HK3: variants seen among roughly 807,000 people sequenced by gnomAD.
HK3 encodes the protein hexokinase 3.
In HK3, 93 loss-of-function variants were observed where a neutral mutation model predicts 91.0. The observed-to-expected ratio is 1.02, with a 90% CI of 0.86 to 1.21. The LOEUF is 1.21. Among genes scored for constraint, HK3 ranks in the 50% most tolerant of loss-of-function variants. The probability of loss-of-function intolerance (pLI) is 0.00; values close to 1 mark genes in which losing one functional copy is unlikely to be tolerated. For synonymous variants in HK3, 519 were observed against 516.9 expected (o/e 1.00, Z -0.06); for missense variants, 1,235 against 1,247.4 (o/e 0.99, Z 0.15).
rs138173448 is a variant in HK3 at position 176,881,092 on chromosome 5, G to T, written c.2753C>A (p.Ala918Glu). The part of the protein sequence containing the change: ...ALVTAVACRL[A>E]QLTRV ...GTTTCCTCAGACACGAGTCAACTGC[G>T]CAAGGCGGCAGGCAACAGCGGTGAC... The change falls in exon 19 of 19, where the codon GCG (alanine) becomes GAG (glutamate). Residue 918 changes from alanine to glutamate, a missense_variant. Ala to Glu is a moderately radical substitution (Grantham distance 107). Transcript: ENST00000292432. 1.9e-6 allele frequency: 3 copies of T among 1,609,644 alleles called. No individual in the cohort carries two copies. Among genetic ancestry groups the T allele is most frequent in the African/African-American group, 2.7e-5 (2 of 74,866 alleles).
intron 6 of HK3, 86 bp downstream of exon 6, chr5:176,890,549 A>G: frequency 9.0e-7 from 1 of 1,107,648 alleles, no homozygotes; most frequent in Non-Finnish European, 1.4e-6. Flanking sequence ...GAGGAAAGCA[A>G]CTCTCTCAGA....
Position 176,887,535 on chromosome 5 carries a change from T to G in HK3, c.1516A>C (p.Lys506Gln). The G allele has an allele frequency of 6.2e-7, 1 of 1,613,790 alleles. No homozygotes were observed. Among genetic ancestry groups the G allele is most frequent in the Non-Finnish European group, 8.5e-7 (1 of 1,179,992 alleles). The stretch of plus-strand genomic sequence containing the variant: ...CCTCGGAGCCCCTTGGCCATGGCCT[T>G]CCGCATCTGTGCCTGAACCGCAGCC... Reference protein sequence around the residue: ...QLAAVQAQMRKAMAKGLRGEA... With the variant: ...QLAAVQAQMRQAMAKGLRGEA... The change falls in exon 11 of 19, where the codon AAG becomes CAG. Residue 506 changes from lysine to glutamine, a missense_variant. By Grantham distance (53) the Lys-to-Gln change is moderately conservative. This residue lies in a region of HK3 where 717 missense variants were observed against 751.6 expected (regional missense o/e 0.95). Coordinates refer to ENST00000292432, the MANE Select transcript of HK3 (RefSeq NM_002115.3). This position sits in a 1 kb window ranked among gnomAD's most constrained non-coding sequence, Gnocchi z 4.9.
rs200750938 is a variant in HK3 at position 176,881,403 on chromosome 5, C to G, written c.2526G>C (p.Ala842=). 6.2e-7 allele frequency: 1 copy of G among 1,613,422 alleles called. No individual in the cohort carries two copies. Among genetic ancestry groups the G allele is most frequent in the Admixed American group, 1.7e-5 (1 of 60,030 alleles). The change falls in exon 18 of 19, where the codon GCG becomes GCC. Residue 842 remains alanine (A), a synonymous_variant. Transcript: ENST00000292432. ...VSQRAAQLCG[A]GVAAVVEKIR... is the part of the protein sequence containing the mutation. ...TCTTCTCCACCACGGCAGCTACACC[C>G]GCCCCACAGAGCTGGGCAGCCCTCT...
intron 13 of HK3, 80 bp downstream of exon 13, chr5:176,886,922 C>T: frequency 6.5e-7 from 1 of 1,548,436 alleles, no homozygotes; most frequent in East Asian, 2.3e-5. Flanking sequence ...CCAGCCTTTT[C>T]CCCTGCCTCC....
rs1758448396 is a variant in HK3, at chr5:176,881,995, G to T, written c.2186C>A (p.Thr729Asn). Residue 729 changes from threonine (T) to asparagine (N), a missense_variant, in exon 16 of 19, where the codon ACC (threonine) becomes AAC (asparagine). This residue lies in a region of HK3 where 513 missense variants were observed against 477.4 expected (regional missense o/e 1.07). Coordinates refer to ENST00000292432, the MANE Select transcript of HK3 (RefSeq NM_002115.3). The part of the protein sequence containing the change: ...GDDGSLAMLS[T>N]RFDASVDQAS... Reference sequence around the variant, plus strand: ...CTGGTCCACACTTGCATCAAAGCGGGTGCTGAGCATGGCCAGAGAGCCATC... The same window carrying T: ...CTGGTCCACACTTGCATCAAAGCGGTTGCTGAGCATGGCCAGAGAGCCATC... 3 of 1,613,398 alleles carry T rather than the reference G, an allele frequency of 1.9e-6. No homozygotes were observed. The highest frequency in any genetic ancestry group is 1.7e-5 in the Admixed American group (1 of 60,000).
intron 1 of HK3, among the ~76,000 whole-genome samples, chr5:176,898,789 C>A (rs1758969239): frequency 6.6e-6 from 1 of 152,172 alleles, no homozygotes. Flanking sequence ...GAGTTTTCCT[C>A]CTGAAAAGTA....
At chr5:176,886,903 C>T (rs528182902) in intron 13 of HK3, 99 bp downstream of exon 13, 24 of 1,424,596 alleles carry the variant, frequency 1.7e-5, no homozygotes, top group South Asian at 5.2e-5. Context: ...ACCCCAGACC[C>T]GCCACCGCCC....
At position 176,888,574 on chromosome 5, in the gene HK3, G is replaced by A. The variant is rs1399002136; in HGVS notation, c.1071-9C>T. 1 of 1,579,108 alleles carries A rather than the reference G, an allele frequency of 6.3e-7. No individual in the cohort carries two copies. Among genetic ancestry groups the A allele is most frequent in the Admixed American group, 1.8e-5 (1 of 55,006 alleles). On this transcript the variant is annotated splice_polypyrimidine_tract_variant and intron_variant, in intron 9 of 18. Coordinates refer to ENST00000292432, the MANE Select transcript of HK3 (RefSeq NM_002115.3). ...CTGCCCCAGTAGAGGGGCTGGAGGG[G>A]AAAGGGAAGTGGTTTGGGGCTCAGC...
intron 15 of HK3, among the ~76,000 whole-genome samples, chr5:176,882,812 A>T (rs887071133): frequency 6.6e-6 from 1 of 152,198 alleles, no homozygotes; most frequent in Non-Finnish European, 1.5e-5. Context: ...CTTCAGCTCC[A>T]GGAAGGTGGG....
chr5:176,882,090 C>T lies in HK3; in HGVS notation c.2091G>A (p.Arg697=). The T allele has an allele frequency of 6.2e-7, 1 of 1,613,172 alleles. No individual in the cohort carries two copies. The highest frequency in any genetic ancestry group is 8.5e-7 in the Non-Finnish European group (1 of 1,180,034). The change falls in exon 16 of 19, where the codon CGG becomes CGA. Residue 697 remains arginine, a synonymous_variant. Transcript: ENST00000292432. ...GTNACYMEEL[R]NVAGVPGDSG... Reference sequence around the variant, plus strand: ...AGTCCCCAGGCACGCCCGCCACATTCCGGAGCTCCTCCATGTAGCAGGCAT... The same window carrying T: ...AGTCCCCAGGCACGCCCGCCACATTTCGGAGCTCCTCCATGTAGCAGGCAT...
intron 13 of HK3, among the ~76,000 whole-genome samples, chr5:176,885,249 C>T (rs534563732): frequency 1.3e-5 from 2 of 152,292 alleles, no homozygotes; most frequent in African/African-American, 2.4e-5. Context: ...GGTGTCGAGA[C>T]TCAAGAGAGG....
intron 13 of HK3, among the ~76,000 whole-genome samples, chr5:176,886,463 G>T (rs1008045423): frequency 1.3e-5 from 2 of 151,882 alleles, no homozygotes; most frequent in African/African-American, 4.8e-5. Context: ...GGCCCGGGAG[G>T]TATTGTTTCC....
At chr5:176,891,641 A>C in intron 2 of HK3, 91 bp from the exon 3 acceptor site, 2 of 1,317,920 alleles carry the variant, frequency 1.5e-6, no homozygotes, top group East Asian at 4.7e-5. Flanking sequence ...TGCCCTGCCC[A>C]GCCCACTCCT....
intron 1 of HK3, among the ~76,000 whole-genome samples, chr5:176,898,536 TCA>T (rs1422794984): frequency 2.0e-5 from 3 of 151,008 alleles, no homozygotes; most frequent in African/African-American, 7.4e-5. Context: ...ATTCATTCAC[TCA>T]CTCATTCATT....
At chr5:176,898,774 G>A (rs985647930) in intron 1 of HK3, among the ~76,000 whole-genome samples, 15 of 152,280 alleles carry the variant, frequency 9.9e-5, no homozygotes, top group South Asian at 2.1e-4. Flanking sequence ...TGGGCTACAC[G>A]AAGTGAGTTT....
At chr5:176,898,500 T>C (rs691583) in intron 1 of HK3, among the ~76,000 whole-genome samples, 21,982 of 152,240 alleles carry the variant, frequency 0.14, 3,448 homozygotes, top group African/African-American at 0.39. Context: ...CACACGTGTC[T>C]TTCTCAAGGC....
rs370177528 is a variant in HK3, at chr5:176,887,765, G to A, written c.1305-19C>T. Reference sequence around the variant, plus strand: ...GCAGAACCTACAGATACATACAGGTGCACCCGGCTTGGCCCTGGACCCCCA... The same window carrying A: ...GCAGAACCTACAGATACATACAGGTACACCCGGCTTGGCCCTGGACCCCCA... On this transcript the variant is annotated intron_variant, in intron 10 of 18. Coordinates refer to ENST00000292432, the MANE Select transcript of HK3 (RefSeq NM_002115.3). This position sits in a 1 kb window ranked among gnomAD's most constrained non-coding sequence, Gnocchi z 4.9. The A allele has an allele frequency of 5.6e-5, 88 of 1,585,412 alleles. No individual in the cohort carries two copies. In the African/African-American group the frequency reaches 1.1e-3, roughly 20 times the overall value.
In HK3 at chr5:176,881,197, G is replaced by A. The variant is rs1758415964; in HGVS notation, c.2648C>T (p.Ala883Val). 6.2e-7 allele frequency: 1 copy of A among 1,613,008 alleles called. No individual in the cohort carries two copies. The highest frequency in any genetic ancestry group is 1.3e-5 in the African/African-American group (1 of 74,928). The change falls in exon 19 of 19, where the codon GCC becomes GTC. Residue 883 changes from alanine (A) to valine (V), a missense_variant. Transcript: ENST00000292432. ...LHPRFSSLVA[A>V]TVRELAPRCV... ...GCGAGGGGCCAGCTCCCGCACTGTG[G>A]CCGCCACCAGGCTGGAGAAGCTGTG... is the stretch of plus-strand genomic sequence containing the variant.
Position 176,887,756 on chromosome 5 carries a change from C to T in HK3, c.1305-10G>A. On this transcript the variant is annotated splice_polypyrimidine_tract_variant and intron_variant, in intron 10 of 18. Transcript: ENST00000292432. The surrounding 1 kb of genome is among the most constrained non-coding windows in gnomAD (Gnocchi z 4.9). ...CAGGACGCTGCAGAACCTACAGATA[C>T]ATACAGGTGCACCCGGCTTGGCCCT... is the stretch of plus-strand genomic sequence containing the variant. 6.3e-7 allele frequency: 1 copy of T among 1,593,908 alleles called. No individual in the cohort carries two copies. Among genetic ancestry groups the T allele is most frequent in the Non-Finnish European group, 8.6e-7 (1 of 1,166,612 alleles).
Sources: allele counts gnomAD v4.1 joint callset (sites outside exome capture counted in the v4.1 genomes callset), GRCh38; gene constraint gnomAD v4.1.1; regional missense constraint gnomAD v4.1.1; non-coding constraint Gnocchi (gnomAD v3.1); transcripts MANE v1.5; gene names NCBI Gene and HGNC (gene_info 2026-07-23, HGNC 2026-07-21).